DNAH14: variants seen among roughly 807,000 people sequenced by gnomAD.
DNAH14 encodes the protein axonemal beta dynein heavy chain 14.
In DNAH14, 478 loss-of-function variants were observed where a neutral mutation model predicts 520.9. The observed-to-expected ratio is 0.92, with a 90% CI of 0.85 to 0.99. The LOEUF (loss-of-function observed/expected upper bound fraction) is 0.99. Ranked by LOEUF, DNAH14 falls within the 50% of genes least tolerant of loss-of-function variation. The probability of loss-of-function intolerance (pLI) is 0.00; values close to 1 mark genes in which losing one functional copy is unlikely to be tolerated. For missense variants in DNAH14, 4,831 were observed against 5,234.5 expected (o/e 0.92, Z 2.38); for synonymous variants, 1,581 against 1,757.2 (o/e 0.90, Z 2.51).
chr1:225,007,643 G>T, intron 10 of DNAH14, 99 bp downstream of exon 10: 2 of 1,059,480 alleles, frequency 1.9e-6, no homozygotes, highest in Non-Finnish European at 2.6e-6. Context: ...GAAATGGAAA[G>T]GTAAGGAACA....
chr1:225,186,733 G>T (rs1318641242), intron 37 of DNAH14, among the ~76,000 whole-genome samples: 2 of 151,568 alleles, frequency 1.3e-5, no homozygotes, highest in Non-Finnish European at 3.0e-5. Flanking sequence ...AATGTTATAT[G>T]CTGAGAATTA....
At chr1:225,152,395 T>C (rs991551114) in intron 32 of DNAH14, among the ~76,000 whole-genome samples, 3 of 151,956 alleles carry the variant, frequency 2.0e-5, no homozygotes, top group Non-Finnish European at 2.9e-5. Flanking sequence ...AATAAGACAA[T>C]AGTGATTGCA....
chr1:225,089,492 AAAAAG>A (rs150846295), intron 21 of DNAH14, among the ~76,000 whole-genome samples: 62 of 150,846 alleles, frequency 4.1e-4, no homozygotes, highest in African/African-American at 1.4e-3. Flanking sequence ...AAAGAAAAGA[AAAAAG>A]AAAACAGATT....
At chr1:225,014,605 A>G (rs1464406781) in intron 10 of DNAH14, among the ~76,000 whole-genome samples, 1 of 152,116 alleles carries the variant, frequency 6.6e-6, no homozygotes, top group Non-Finnish European at 1.5e-5. Flanking sequence ...GTATTTGTAT[A>G]GCTTCAGCTG....
At chr1:225,115,684 C>A (rs915043412) in intron 23 of DNAH14, among the ~76,000 whole-genome samples, 1 of 152,168 alleles carries the variant, frequency 6.6e-6, no homozygotes, top group African/African-American at 2.4e-5. Context: ...TTAATAATAG[C>A]CGGTTTACCA....
Position 225,394,056 on chromosome 1 carries a change from G to T in DNAH14, c.13491+1605G>T, listed in dbSNP as rs570051174. 4.6e-5 allele frequency among the ~76,000 whole-genome samples: 7 copies of T among 152,040 alleles called. No individual in the cohort carries two copies. In the South Asian group the frequency reaches 1.5e-3, roughly 32 times the overall value. Reference sequence around the variant, plus strand: ...AGGATGGTCTCGATCTTCTGACCTCGTGATCCCCCTGCTCCGCCTCCCAAA... The same window carrying T: ...AGGATGGTCTCGATCTTCTGACCTCTTGATCCCCCTGCTCCGCCTCCCAAA... On this transcript the variant is annotated intron_variant, in intron 84 of 85. Transcript: ENST00000682510.
In DNAH14 at chr1:225,398,574, G is replaced by A; in HGVS notation, c.13546G>A (p.Ala4516Thr). ...VYIFGLFIEG[A>T]RWNREQKILE... Reference sequence around the variant, plus strand: ...CATTTTTGGTTTATTCATCGAGGGGGCAAGATGGAATCGTGAACAGAAAAT... The same window carrying A: ...CATTTTTGGTTTATTCATCGAGGGGACAAGATGGAATCGTGAACAGAAAAT... Residue 4516 changes from alanine (A) to threonine (T), a missense_variant, in exon 85 of 86, where the codon GCA becomes ACA. Coordinates refer to ENST00000682510, the MANE Select transcript of DNAH14 (RefSeq NM_001367479.1). 6.4e-7 allele frequency: 1 copy of A among 1,551,698 alleles called. No homozygotes were observed. The highest frequency in any genetic ancestry group is 8.7e-7 in the Non-Finnish European group (1 of 1,146,982).
chr1:225,061,322 G>C (rs369810489), intron 17 of DNAH14, among the ~76,000 whole-genome samples: 1 of 152,244 alleles, frequency 6.6e-6, no homozygotes, highest in Non-Finnish European at 1.5e-5. Context: ...CCAGGCGCTG[G>C]ATACAATCTC....
At chr1:225,097,982 G>A (rs2075135381) in intron 22 of DNAH14, among the ~76,000 whole-genome samples, 1 of 152,122 alleles carries the variant, frequency 6.6e-6, no homozygotes, top group South Asian at 2.1e-4. Context: ...CCTGAGCACA[G>A]GAGTTTGAGG....
At chr1:225,123,105 A>G (rs1344056891) in intron 26 of DNAH14, among the ~76,000 whole-genome samples, 2 of 152,222 alleles carry the variant, frequency 1.3e-5, no homozygotes, top group African/African-American at 4.8e-5. Context: ...ATTTTTCATG[A>G]ATCCTATTCT....
intron 71 of DNAH14, among the ~76,000 whole-genome samples, chr1:225,351,341 T>A (rs921835907): frequency 1.3e-5 from 2 of 152,120 alleles, no homozygotes; most frequent in African/African-American, 4.8e-5. Context: ...CAGTGAGCAG[T>A]GATCGTGCCA....
At chr1:225,152,166 A>G (rs1171924956) in intron 32 of DNAH14, 93 bp downstream of exon 32, 5 of 1,084,664 alleles carry the variant, frequency 4.6e-6, no homozygotes, top group Non-Finnish European at 6.6e-6. Context: ...ATTTGCATCT[A>G]TCCATATATC....
At chr1:225,208,571 C>T (rs1046977627) in intron 41 of DNAH14, among the ~76,000 whole-genome samples, 1 of 151,904 alleles carries the variant, frequency 6.6e-6, no homozygotes, top group African/African-American at 2.4e-5. Flanking sequence ...TATAACAGAA[C>T]CTCCAGAAAG....
chr1:224,979,920 G>T (rs954388422), intron 8 of DNAH14, among the ~76,000 whole-genome samples: 1 of 152,168 alleles, frequency 6.6e-6, no homozygotes, highest in Non-Finnish European at 1.5e-5. Flanking sequence ...GTGAAGGGAA[G>T]GACCCAGTTC....
At chr1:225,350,943 C>G (rs1273456102) in intron 71 of DNAH14, among the ~76,000 whole-genome samples, 5 of 152,146 alleles carry the variant, frequency 3.3e-5, no homozygotes, top group Middle Eastern at 3.2e-3. Flanking sequence ...AAGTAAACTA[C>G]AGACCAATAT....
At chr1:225,382,851 ATAT>A (rs1165184598) in intron 81 of DNAH14, among the ~76,000 whole-genome samples, 1 of 152,234 alleles carries the variant, frequency 6.6e-6, no homozygotes, top group African/African-American at 2.4e-5. Flanking sequence ...CTGTAATGAA[ATAT>A]TATTCAGCCA....
At chr1:225,114,852 G>A (rs1215708568) in intron 23 of DNAH14, among the ~76,000 whole-genome samples, 1 of 152,166 alleles carries the variant, frequency 6.6e-6, no homozygotes, top group Non-Finnish European at 1.5e-5. Flanking sequence ...CAGGGGGTGG[G>A]GGAAGGGTGG....
At chr1:225,137,211 A>T (rs544374533) in intron 27 of DNAH14, among the ~76,000 whole-genome samples, 1 of 152,188 alleles carries the variant, frequency 6.6e-6, no homozygotes, top group African/African-American at 2.4e-5. Context: ...GAGGAGAAGC[A>T]CACTGGCTTT....
At chr1:225,247,446 C>A (rs2092350422) in intron 43 of DNAH14, among the ~76,000 whole-genome samples, 1 of 151,964 alleles carries the variant, frequency 6.6e-6, no homozygotes, top group African/African-American at 2.4e-5. Flanking sequence ...CCACTCTGGT[C>A]ACCATCAAAG....
Sources: gnomAD v4.1 joint callset for allele counts (sites outside exome capture counted in the v4.1 genomes callset) on GRCh38, gnomAD v4.1.1 for gene constraint, MANE v1.5 for transcripts, NCBI Gene and HGNC (gene_info 2026-07-23, HGNC 2026-07-21) for gene names.